ESR2: variants seen among roughly 807,000 people sequenced by gnomAD.
ESR2 encodes the protein estrogen receptor 2, also known as estrogen receptor beta.
A neutral mutation model predicts 49.6 loss-of-function variants in ESR2; 36 were observed. The observed-to-expected ratio is 0.73, with a 90% CI of 0.56 to 0.96. ESR2 has a LOEUF of 0.96. ESR2 is among the 40% of genes least tolerant of loss of function. The pLI is 0.00. For synonymous variants in ESR2, 320 were observed against 266.1 expected (o/e 1.20, Z -1.97); for missense variants, 714 against 693.0 (o/e 1.03, Z -0.34).
At chr14:64,326,298 G>C (rs1294856972) in intron 1 of ESR2, among the ~76,000 whole-genome samples, 1 of 151,776 alleles carries the variant, frequency 6.6e-6, no homozygotes, top group Non-Finnish European at 1.5e-5. Context: ...ATGAAGATTT[G>C]GGGCCTCACA....
At chr14:64,304,351 T>G (rs1311434225) in intron 1 of ESR2, among the ~76,000 whole-genome samples, 1 of 152,122 alleles carries the variant, frequency 6.6e-6, no homozygotes, top group Non-Finnish European at 1.5e-5. Flanking sequence ...GGTTACAGAT[T>G]GCTAAATTCC....
intron 4 of ESR2, among the ~76,000 whole-genome samples, chr14:64,267,906 T>C (rs1014888045): frequency 6.7e-6 from 1 of 150,114 alleles, no homozygotes; most frequent in Non-Finnish European, 1.5e-5. Context: ...AAAAAGAAAT[T>C]GTCAGAGAGT....
Position 64,229,438 on chromosome 14 carries a change from G to A in ESR2, c.*3699C>T, listed in dbSNP as rs574763550. Among the ~76,000 whole-genome samples the A allele has an allele frequency of 1.4e-3, 212 of 152,290 alleles. No individual in the cohort carries two copies. The highest frequency in any genetic ancestry group is 4.6e-3 in the African/African-American group (193 of 41,550). The stretch of plus-strand genomic sequence containing the variant: ...GCTTTAATTTACACAGATATGAAAG[G>A]TGGAGTTGAACTTTGATGTGAGAGG... On this transcript the variant is annotated 3_prime_UTR_variant, in exon 9 of 9. Transcript: ENST00000341099.
intron 4 of ESR2, among the ~76,000 whole-genome samples, chr14:64,264,561 A>G (rs2076286865): frequency 6.6e-6 from 1 of 152,120 alleles, no homozygotes; most frequent in Non-Finnish European, 1.5e-5. Context: ...TTGCTGCAAA[A>G]TGTATAGTTT....
chr14:64,236,204 A>G (rs2075595000), intron 7 of ESR2, among the ~76,000 whole-genome samples: 1 of 152,198 alleles, frequency 6.6e-6, no homozygotes, highest in Non-Finnish European at 1.5e-5. Flanking sequence ...CTGAAGCACA[A>G]TTACGTAAGT....
chr14:64,301,716 G>A (rs2077023135), intron 1 of ESR2: 2 of 152,182 alleles, frequency 1.3e-5, no homozygotes, highest in African/African-American at 4.8e-5. Flanking sequence ...TCCTAGTTGT[G>A]TGCCCTTCGA....
chr14:64,245,239 A>G (rs1232046979), intron 7 of ESR2, among the ~76,000 whole-genome samples: 1 of 152,150 alleles, frequency 6.6e-6, no homozygotes, highest in Admixed American at 6.5e-5. Context: ...TCCTTAAAAG[A>G]AGATCTCTGG....
intron 5 of ESR2, among the ~76,000 whole-genome samples, chr14:64,259,658 T>C (rs1271522208): frequency 6.6e-6 from 1 of 152,192 alleles, no homozygotes; most frequent in African/African-American, 2.4e-5. Flanking sequence ...AGGTTCCAAG[T>C]GACAACTCAT....
intron 7 of ESR2, among the ~76,000 whole-genome samples, chr14:64,248,448 G>A (rs767554188): frequency 2.2e-4 from 32 of 144,088 alleles, no homozygotes; most frequent in Non-Finnish European, 4.0e-4. Context: ...CTAGGTTACA[G>A]TGAGCTATGA....
At chr14:64,320,752 G>A (rs1426962280) in intron 1 of ESR2, among the ~76,000 whole-genome samples, 11 of 152,026 alleles carry the variant, frequency 7.2e-5, no homozygotes, top group Non-Finnish European at 1.2e-4. Flanking sequence ...AAAATTAGTC[G>A]GGTGTGGTGG....
At chr14:64,321,478 C>A (rs2077323606) in intron 1 of ESR2, among the ~76,000 whole-genome samples, 1 of 151,930 alleles carries the variant, frequency 6.6e-6, no homozygotes, top group Admixed American at 6.6e-5. Flanking sequence ...ATCACATAAA[C>A]AAAATGATAG....
chr14:64,249,742 AGG>A, intron 6 of ESR2, 63 bp from the exon 7 acceptor site: 1 of 1,503,378 alleles, frequency 6.7e-7, no homozygotes, highest in Non-Finnish European at 9.1e-7. Flanking sequence ...AAAAACAATA[AGG>A]AATGTTTTAT....
At chr14:64,270,191 T>A (rs1243381078) in intron 3 of ESR2, among the ~76,000 whole-genome samples, 1 of 152,078 alleles carries the variant, frequency 6.6e-6, no homozygotes, top group Non-Finnish European at 1.5e-5. Flanking sequence ...GAGCAAGTCA[T>A]AAAAGAAAAA....
chr14:64,282,890 T>A lies in ESR2; in HGVS notation c.96A>T (p.Ile32=), dbSNP rs759731803. Residue 32 remains isoleucine, a synonymous_variant, in exon 2 of 9, where the codon ATA becomes ATT. Transcript: ENST00000341099. ...ILPLEHGSIY[I]PSSYVDSHHE... The stretch of plus-strand genomic sequence containing the variant: ...GGTGGCTGTCTACATAGGAGGAAGG[T>A]ATGTATATGGAGCCGTGCTCCAGGG... 60 of 1,613,966 alleles carry A rather than the reference T, an allele frequency of 3.7e-5. No individual in the cohort carries two copies. The highest frequency in any genetic ancestry group is 3.3e-5 in the Admixed American group (2 of 59,998).
intron 1 of ESR2, among the ~76,000 whole-genome samples, chr14:64,325,922 C>A (rs1269012079): frequency 6.6e-6 from 1 of 151,874 alleles, no homozygotes; most frequent in Non-Finnish European, 1.5e-5. Flanking sequence ...GGTAAGTCTT[C>A]CAGTCAACAA....
At chr14:64,337,495 A>T (rs2077545994) in intron 1 of ESR2, 1 of 152,156 alleles carries the variant, frequency 6.6e-6, no homozygotes, top group Admixed American at 6.5e-5. Context: ...ATTACACTGT[A>T]CCTCTAAAAT....
intron 1 of ESR2, among the ~76,000 whole-genome samples, chr14:64,309,127 T>TA (rs1357466093): frequency 6.6e-6 from 1 of 152,168 alleles, no homozygotes; most frequent in Non-Finnish European, 1.5e-5. Context: ...CGGTAGCTAT[T>TA]ATTGCCAGAT....
intron 7 of ESR2, among the ~76,000 whole-genome samples, chr14:64,248,505 CAAAAAAAAA>C (rs56108535): frequency 1.1e-5 from 1 of 87,266 alleles, no homozygotes; most frequent in Non-Finnish European, 2.2e-5. Context: ...GATCCTGTCT[CAAAAAAAAA>C]AAAAAAAAGA....
At chr14:64,257,596 G>A (rs980071765) in intron 5 of ESR2, among the ~76,000 whole-genome samples, 1 of 152,216 alleles carries the variant, frequency 6.6e-6, no homozygotes, top group Non-Finnish European at 1.5e-5. Flanking sequence ...TTCATTTAGA[G>A]TTTGTCAAGC....
Sources: gnomAD v4.1 joint callset for allele counts (sites outside exome capture counted in the v4.1 genomes callset) on GRCh38, gnomAD v4.1.1 for gene constraint, MANE v1.5 for transcripts, NCBI Gene and HGNC (gene_info 2026-07-23, HGNC 2026-07-21) for gene names.